Variants in POLD3 observed in about 807,000 individuals in gnomAD.
POLD3 encodes DNA polymerase delta subunit 3.
Under a neutral mutation model 58.2 loss-of-function variants are expected in POLD3, and 19 were observed. That is an observed-to-expected ratio of 0.33 (90% CI 0.23 to 0.48). The LOEUF (loss-of-function observed/expected upper bound fraction) is 0.48. Among genes scored for constraint, POLD3 ranks in the 20% least tolerant of loss-of-function variants. The pLI is 0.99. For synonymous variants in POLD3, 172 were observed against 193.5 expected (o/e 0.89, Z 0.92); for missense variants, 504 against 545.5 (o/e 0.92, Z 0.76).
In POLD3 at chr11:74,625,704, A is replaced by T. The variant is rs1320023926; in HGVS notation, c.899+131A>T. ...CTTAATGCCTAAGGGATACAACTAT[A>T]CAACCAAAATGGAAAGAGAAGCCCA... On this transcript the variant is annotated intron_variant, in intron 8 of 11. Transcript: ENST00000263681. 3.7e-5 allele frequency: 24 copies of T among 643,482 alleles called. No individual in the cohort carries two copies. In the East Asian group the frequency reaches 6.9e-4, roughly 19 times the overall value. The allele number at this position is 643,482 out of a possible 1,614,324, so 39.9% of individuals were successfully genotyped here. A position where few individuals can be genotyped will look rare whatever the true frequency, so the allele number is the denominator to read the frequency against.
At chr11:74,668,842 C>T (rs117526209) in exon 5 of POLD3, 20,082 of 1,249,838 alleles carry the variant, frequency 0.016, 188 homozygotes, top group Non-Finnish European at 0.018. Flanking sequence ...GCCCATCCAG[C>T]GGTTGGAGAG....
chr11:74,648,839 A>T (rs2033033647), intron 4 of POLD3, among the ~76,000 whole-genome samples: 1 of 152,216 alleles, frequency 6.6e-6, no homozygotes, highest in Non-Finnish European at 1.5e-5. Context: ...CATAAGTAAC[A>T]GCCAAATTGA....
At chr11:74,640,535 C>T in intron 11 of POLD3, 29 bp from the exon 12 acceptor site, 1 of 1,480,206 alleles carries the variant, frequency 6.8e-7, no homozygotes, top group Non-Finnish European at 9.0e-7. Flanking sequence ...TCAGCCCACC[C>T]ATGTTCCATT....
At chr11:74,659,401 T>C (rs2033178471) in intron 4 of POLD3, among the ~76,000 whole-genome samples, 1 of 152,200 alleles carries the variant, frequency 6.6e-6, no homozygotes, top group Non-Finnish European at 1.5e-5. Context: ...ATTTTCCCCA[T>C]GGTCTTGGGG....
intron 5 of POLD3, among the ~76,000 whole-genome samples, chr11:74,617,490 C>T (rs762060579): frequency 1.3e-5 from 2 of 152,188 alleles, no homozygotes; most frequent in Admixed American, 6.5e-5. Flanking sequence ...CAACCTCTGC[C>T]TCCTGGGTTC....
intron 4 of POLD3, among the ~76,000 whole-genome samples, chr11:74,650,574 A>G (rs757110548): frequency 7.9e-5 from 12 of 152,282 alleles, no homozygotes; most frequent in South Asian, 4.1e-4. Context: ...GCCTCTCCCA[A>G]TGATGTATGG....
chr11:74,595,477 GGTT>G (rs980681040), intron 2 of POLD3: 1 of 152,044 alleles, frequency 6.6e-6, no homozygotes, highest in Non-Finnish European at 1.5e-5. Context: ...GGGTATTTTT[GGTT>G]GTTGTTGAGT....
chr11:74,593,945 G>A, intron 1 of POLD3, 116 bp from the exon 2 acceptor site: 1 of 625,060 alleles, frequency 1.6e-6, no homozygotes, highest in Non-Finnish European at 2.9e-6. Flanking sequence ...GGCATTTATT[G>A]TAATTTGTAA....
chr11:74,594,019 A>T, intron 1 of POLD3, 42 bp from the exon 2 acceptor site: 1 of 1,024,418 alleles, frequency 9.8e-7, no homozygotes, highest in Non-Finnish European at 1.6e-6. Flanking sequence ...TGCACTCTGG[A>T]GTCATCTAAT....
At chr11:74,626,944 A>C (rs570642124) in intron 8 of POLD3, among the ~76,000 whole-genome samples, 21 of 152,280 alleles carry the variant, frequency 1.4e-4, no homozygotes, top group African/African-American at 4.6e-4. Flanking sequence ...GTCATGTGAA[A>C]GTATATCATA....
chr11:74,635,355 A>G (rs944343567), intron 10 of POLD3, among the ~76,000 whole-genome samples: 20 of 152,226 alleles, frequency 1.3e-4, no homozygotes, highest in African/African-American at 4.8e-4. Context: ...TGATACTAGT[A>G]ATACCTATTT....
chr11:74,661,264 G>T (rs1026889060), intron 4 of POLD3, among the ~76,000 whole-genome samples: 3 of 152,110 alleles, frequency 2.0e-5, no homozygotes, highest in African/African-American at 7.2e-5. Context: ...GTGGATGTTT[G>T]TCAGTGTCTA....
intron 2 of POLD3, among the ~76,000 whole-genome samples, chr11:74,602,169 C>T (rs1014908786): frequency 6.6e-6 from 1 of 151,976 alleles, no homozygotes; most frequent in African/African-American, 2.4e-5. Context: ...GTCTTGAACT[C>T]CTGTGCTCAA....
chr11:74,618,278 C>G (rs888415507), intron 5 of POLD3, among the ~76,000 whole-genome samples: 1 of 152,086 alleles, frequency 6.6e-6, no homozygotes, highest in African/African-American at 2.4e-5. Context: ...TAATTCCAAT[C>G]CTATCTATTA....
At chr11:74,666,959 TAAAA>T (rs34863947) in intron 4 of POLD3, among the ~76,000 whole-genome samples, 4,884 of 137,346 alleles carry the variant, frequency 0.036, 240 homozygotes, top group African/African-American at 0.11. Context: ...TTAAAGTTGC[TAAAA>T]AAAAAAAAAA....
intron 4 of POLD3, among the ~76,000 whole-genome samples, chr11:74,668,385 T>G (rs897045080): frequency 6.6e-6 from 1 of 152,138 alleles, no homozygotes. Context: ...TGGAATACTG[T>G]CCAGCCCTAA....
chr11:74,668,732 G>A, intron 4 of POLD3: 4 of 1,269,120 alleles, frequency 3.2e-6, no homozygotes, highest in Middle Eastern at 2.2e-4. Flanking sequence ...TGGGAGAAAA[G>A]GGAAGATATA....
chr11:74,652,761 G>A (rs2033082912), intron 4 of POLD3: 1 of 154,872 alleles, frequency 6.5e-6, no homozygotes, highest in African/African-American at 2.4e-5. Context: ...CCCTTCCTCT[G>A]GCTTGCTACA....
chr11:74,605,925 A>T (rs367687182), intron 3 of POLD3, among the ~76,000 whole-genome samples: 2 of 152,134 alleles, frequency 1.3e-5, no homozygotes, highest in African/African-American at 4.8e-5. Context: ...CTCTACAAAA[A>T]ATACAAAAAT....
Sources: allele counts gnomAD v4.1 joint callset (sites outside exome capture counted in the v4.1 genomes callset), GRCh38; gene constraint gnomAD v4.1.1; transcripts MANE v1.5; gene names NCBI Gene and HGNC (gene_info 2026-07-23, HGNC 2026-07-21).